Variants in DOCK9 observed in about 807,000 individuals in gnomAD.
DOCK9 encodes dedicator of cytokinesis protein 9.
DOCK9 carries 89 observed loss-of-function variants against 263.3 expected under a neutral mutation model. The ratio of observed to expected loss-of-function variants is 0.34; its 90% CI spans 0.28 to 0.40. The LOEUF is 0.40. Ranked by LOEUF, DOCK9 falls within the 10% of genes least tolerant of loss-of-function variation. The pLI is 1.00. For synonymous variants in DOCK9, 976 were observed against 973.1 expected, an observed-to-expected ratio of 1.00 and a Z score of -0.06; for missense variants, 2,140 against 2,603.4, an observed-to-expected ratio of 0.82 and a Z score of 3.87.
chr13:99,074,574 C>T (rs56958351), intron 1 of DOCK9, among the ~76,000 whole-genome samples: 4,195 of 152,272 alleles, frequency 0.028, 177 homozygotes, highest in African/African-American at 0.096. Flanking sequence ...TCATTTGGTT[C>T]CTGACTAGCT....
intron 52 of DOCK9, among the ~76,000 whole-genome samples, chr13:98,795,776 T>TG (rs397978186): frequency 6.9e-6 from 1 of 144,846 alleles, no homozygotes; most frequent in Non-Finnish European, 1.5e-5. Context: ...TTTTTTTTTT[T>TG]GAGATGGAGT....
intron 1 of DOCK9, among the ~76,000 whole-genome samples, chr13:99,015,242 T>G (rs990138917): frequency 6.6e-6 from 1 of 152,238 alleles, no homozygotes; most frequent in African/African-American, 2.4e-5. Flanking sequence ...TTTCTCTGTA[T>G]GTATTTAGCT....
At chr13:98,929,756 C>A (rs943546390) in intron 3 of DOCK9, among the ~76,000 whole-genome samples, 4 of 151,690 alleles carry the variant, frequency 2.6e-5, no homozygotes, top group Admixed American at 2.6e-4. Context: ...AAATAACTTG[C>A]AAATATAAAT....
upstream of DOCK9, among the ~76,000 whole-genome samples, chr13:99,087,397 G>A (rs2042372238): frequency 6.6e-6 from 1 of 152,230 alleles, no homozygotes; most frequent in African/African-American, 2.4e-5. Context: ...GCCTGGAAGG[G>A]GCTCAGGTGA....
intron 13 of DOCK9, among the ~76,000 whole-genome samples, chr13:98,899,574 G>C (rs1207505084): frequency 6.6e-6 from 1 of 152,132 alleles, no homozygotes; most frequent in African/African-American, 2.4e-5. Flanking sequence ...TGCCTCCCTG[G>C]GTGGGGCGAC....
Position 98,881,882 on chromosome 13 carries a change from C to A in DOCK9, c.2675+10G>T. ...AGAAGTGAGGAAGAGCATCCATCCA[C>A]CTCCCTTACCGAGTCACGTTAACCG... On this transcript the variant is annotated intron_variant, in intron 24 of 52. Coordinates refer to ENST00000682017, the MANE Select transcript of DOCK9 (RefSeq NM_001366683.2). The A allele has an allele frequency of 6.4e-7, 1 of 1,557,402 alleles. No homozygotes were observed. The highest frequency in any genetic ancestry group is 8.7e-7 in the Non-Finnish European group (1 of 1,148,696).
chr13:99,018,013 C>T (rs1566307734), intron 1 of DOCK9, among the ~76,000 whole-genome samples: 1 of 151,848 alleles, frequency 6.6e-6, no homozygotes, highest in Non-Finnish European at 1.5e-5. Context: ...AATCATATCT[C>T]AATAAAGCTA....
chr13:98,950,352 CT>C, intron 2 of DOCK9: 1 of 907,134 alleles, frequency 1.1e-6, no homozygotes, highest in Non-Finnish European at 1.7e-6. Context: ...CTAAAAGTGC[CT>C]GCTTTGCCTG....
chr13:98,867,820 TA>T, intron 29 of DOCK9, 107 bp downstream of exon 29: 4 of 1,086,592 alleles, frequency 3.7e-6, no homozygotes, highest in Non-Finnish European at 5.2e-6. Context: ...CTCAATACAA[TA>T]AAAAAATTAG....
intron 1 of DOCK9, among the ~76,000 whole-genome samples, chr13:99,077,501 A>G (rs1269610092): frequency 6.6e-6 from 1 of 152,206 alleles, no homozygotes; most frequent in Admixed American, 6.5e-5. Flanking sequence ...AGAAACCTGT[A>G]CAGCCTGCAG....
At chr13:98,837,310 A>T (rs2093041383) in intron 39 of DOCK9, among the ~76,000 whole-genome samples, 184 bp downstream of exon 39, 1 of 152,228 alleles carries the variant, frequency 6.6e-6, no homozygotes, top group African/African-American at 2.4e-5. Flanking sequence ...ATTTCAGGGC[A>T]TTCAAGCCAT....
chr13:99,074,571 G>A (rs1339518025), intron 1 of DOCK9, among the ~76,000 whole-genome samples: 1 of 152,178 alleles, frequency 6.6e-6, no homozygotes, highest in Non-Finnish European at 1.5e-5. Context: ...AAGTCATTTG[G>A]TTCCTGACTA....
intron 20 of DOCK9, 191 bp downstream of exon 20, chr13:98,885,517 A>C: frequency 1.8e-6 from 1 of 547,384 alleles, no homozygotes. Flanking sequence ...AGGTGGAAGG[A>C]CAGCTTGAGC....
At chr13:98,970,632 A>C (rs1334828938) in intron 1 of DOCK9, among the ~76,000 whole-genome samples, 1 of 152,224 alleles carries the variant, frequency 6.6e-6, no homozygotes, top group Non-Finnish European at 1.5e-5. Context: ...ACCCACTGGT[A>C]AGTGGCACTT....
intron 27 of DOCK9, among the ~76,000 whole-genome samples, chr13:98,869,983 C>T (rs898376295): frequency 2.0e-5 from 3 of 152,214 alleles, no homozygotes; most frequent in African/African-American, 7.2e-5. Context: ...GAACTAGCTG[C>T]CCTGTTCTCC....
rs2092492651 is a variant in DOCK9, at chr13:98,825,610, T to TA, written c.5024-1107dup. Among the ~76,000 whole-genome samples the TA allele has an allele frequency of 6.6e-6, 1 of 152,048 alleles. No homozygotes were observed. Among genetic ancestry groups the TA allele is most frequent in the African/African-American group, 2.4e-5 (1 of 41,384 alleles). On this transcript the variant is annotated intron_variant, in intron 44 of 52. Coordinates refer to ENST00000682017, the MANE Select transcript of DOCK9 (RefSeq NM_001366683.2). This position sits in a 1 kb window ranked among gnomAD's most constrained non-coding sequence, Gnocchi z 4.1. ...TACATTAACATACAAACTGTAAAAT[T>TA]AAAAAAACCAACCACCCATGCTCTA... is the stretch of plus-strand genomic sequence containing the variant.
rs370682336 is a variant in DOCK9 at position 98,880,615 on chromosome 13, G to A, written c.2803C>T (p.Leu935=). The A allele has an allele frequency of 1.8e-5, 29 of 1,613,818 alleles. No individual in the cohort carries two copies. In the African/African-American group the frequency reaches 2.8e-4, roughly 16 times the overall value. ...AGAATCGTGGTCATGGATTTGGTCA[G>A]TTCTTCATGCACTGTCTTGTATTCA... ...ASEYKTVHEE[L]TKSMTTILKP... Residue 935 remains leucine (L), a synonymous_variant, in exon 26 of 53, where the codon CTG becomes TTG. Coordinates refer to ENST00000682017, the MANE Select transcript of DOCK9 (RefSeq NM_001366683.2).
chr13:99,086,323 G>C (rs754559297), exon 1 of DOCK9: 141 of 1,472,266 alleles, frequency 9.6e-5, no homozygotes, highest in Non-Finnish European at 1.1e-4. Context: ...AGTCTCCGCC[G>C]AGGCGGGGAG....
At chr13:99,025,708 C>T (rs1268412639) in intron 1 of DOCK9, among the ~76,000 whole-genome samples, 2 of 152,188 alleles carry the variant, frequency 1.3e-5, no homozygotes, top group Non-Finnish European at 2.9e-5. Flanking sequence ...AGATGCCCAA[C>T]GTTGAAAATA....
Sources: gnomAD v4.1 joint callset for allele counts (sites outside exome capture counted in the v4.1 genomes callset) on GRCh38, gnomAD v4.1.1 for gene constraint, Gnocchi (gnomAD v3.1) non-coding constraint, MANE v1.5 for transcripts, NCBI Gene and HGNC (gene_info 2026-07-23, HGNC 2026-07-21) for gene names.